The following ADGRL4 variants were observed in gnomAD, a reference collection of about 807,000 sequenced individuals.
ADGRL4 encodes the protein EGF, latrophilin and seven transmembrane domain containing 1.
In ADGRL4, 90 loss-of-function variants were observed where a neutral mutation model predicts 74.8. The observed-to-expected ratio is 1.20, with a 90% CI of 1.02 to 1.43. The LOEUF (loss-of-function observed/expected upper bound fraction) is 1.43, where lower values mean the gene tolerates loss of function less well. ADGRL4 is among the 40% of genes most tolerant of loss of function. The pLI, the probability that ADGRL4 is intolerant of heterozygous loss-of-function variation, is 0.00. For synonymous variants in ADGRL4, 311 were observed against 279.2 expected (o/e 1.11, Z -1.14); for missense variants, 881 against 814.3 (o/e 1.08, Z -1.00).
At position 78,987,968 on chromosome 1, in the gene ADGRL4, T is replaced by C. The variant is rs189670620; in HGVS notation, c.172+17102A>G. Among the ~76,000 whole-genome samples, 19 of 146,462 alleles carry C rather than the reference T, an allele frequency of 1.3e-4. No homozygotes were observed. The East Asian group carries it at 3.4e-3, about 26-fold the overall frequency. Reference sequence around the variant, plus strand: ...TAGTAAAGTAATATTTATTGCATCATTATTTAAATTTTTAAAATAGCCACT... The same window carrying C: ...TAGTAAAGTAATATTTATTGCATCACTATTTAAATTTTTAAAATAGCCACT... On this transcript the variant is annotated intron_variant, in intron 2 of 14. Transcript: ENST00000370742.
Position 78,961,246 on chromosome 1 carries a change from G to A in ADGRL4, c.173-14820C>T, listed in dbSNP as rs778977045. On this transcript the variant is annotated intron_variant, in intron 2 of 14. Transcript: ENST00000370742. ...CAACCTCTGACTCATGGGTTCAAGC[G>A]ATTCTCCTGCCTCAGCCTCCTGAGT... Among the ~76,000 whole-genome samples the A allele has an allele frequency of 5.3e-5, 8 of 151,862 alleles. No individual in the cohort carries two copies. In the East Asian group the frequency reaches 5.8e-4, roughly 11 times the overall value.
chr1:78,965,999 AAAAAAC>A (rs1186180999), intron 2 of ADGRL4, among the ~76,000 whole-genome samples: 4 of 152,084 alleles, frequency 2.6e-5, no homozygotes, highest in Non-Finnish European at 5.9e-5. Flanking sequence ...ACCAAAAAAA[AAAAAAC>A]AAAAACAAAA....
intron 2 of ADGRL4, among the ~76,000 whole-genome samples, chr1:78,981,634 T>C (rs1387722776): frequency 1.3e-5 from 2 of 151,920 alleles, no homozygotes; most frequent in Non-Finnish European, 2.9e-5. Context: ...AACCATATTG[T>C]ATGATTTTAA....
chr1:78,943,440 C>T (rs1325128603), intron 3 of ADGRL4, among the ~76,000 whole-genome samples: 2 of 152,140 alleles, frequency 1.3e-5, no homozygotes, highest in Non-Finnish European at 2.9e-5. Flanking sequence ...CTAAATCTCA[C>T]CCAGCGCTTT....
chr1:78,973,276 A>G (rs903713641), intron 2 of ADGRL4, among the ~76,000 whole-genome samples: 3 of 152,070 alleles, frequency 2.0e-5, no homozygotes, highest in Admixed American at 6.6e-5. Flanking sequence ...CCCTTCATAT[A>G]TATGTATAAG....
At chr1:78,973,417 T>C (rs1370351379) in intron 2 of ADGRL4, among the ~76,000 whole-genome samples, 2 of 151,778 alleles carry the variant, frequency 1.3e-5, no homozygotes, top group Non-Finnish European at 2.9e-5. Flanking sequence ...TAAGCATATG[T>C]AGTTTTAAAA....
chr1:78,987,115 C>T (rs1373454713), intron 2 of ADGRL4, among the ~76,000 whole-genome samples: 5 of 151,636 alleles, frequency 3.3e-5, no homozygotes, highest in Non-Finnish European at 7.4e-5. Flanking sequence ...TTAAAAGTAC[C>T]TGCAAATCTC....
intron 2 of ADGRL4, among the ~76,000 whole-genome samples, chr1:78,949,630 T>A (rs1649681714): frequency 6.6e-6 from 1 of 152,134 alleles, no homozygotes; most frequent in Non-Finnish European, 1.5e-5. Flanking sequence ...AGTGTCCAAC[T>A]TCATAATAAT....
At chr1:78,926,811 A>G in intron 8 of ADGRL4, 75 bp downstream of exon 8, 1 of 1,050,734 alleles carries the variant, frequency 9.5e-7, no homozygotes, top group Non-Finnish European at 1.4e-6. Context: ...CAGATAATTT[A>G]AGTGACACAA....
intron 2 of ADGRL4, among the ~76,000 whole-genome samples, chr1:78,968,142 T>G (rs978992829): frequency 2.6e-5 from 4 of 152,176 alleles, no homozygotes; most frequent in African/African-American, 7.2e-5. Context: ...TTCTAATGTC[T>G]GATTACATGC....
chr1:78,902,154 G>A (rs1648533924), intron 12 of ADGRL4, among the ~76,000 whole-genome samples: 1 of 152,116 alleles, frequency 6.6e-6, no homozygotes, highest in Admixed American at 6.6e-5. Flanking sequence ...ATTGACTGCA[G>A]AGGAACCCAA....
At position 78,959,228 on chromosome 1, in the gene ADGRL4, T is replaced by G. The variant is rs115224773; in HGVS notation, c.173-12802A>C. ...ATCTCTGAGGTATGCCTTTATGTAA[T>G]TCATTGAAGAAAACAGAAATAGCTC... On this transcript the variant is annotated intron_variant, in intron 2 of 14. Transcript: ENST00000370742. 1.5e-3 allele frequency among the ~76,000 whole-genome samples: 233 copies of G among 152,298 alleles called. 2 individuals carry two copies. Among genetic ancestry groups the G allele is most frequent in the Non-Finnish European group, 2.8e-3 (191 of 68,020 alleles).
intron 12 of ADGRL4, among the ~76,000 whole-genome samples, chr1:78,907,839 G>A (rs967358072): frequency 1.3e-5 from 2 of 151,824 alleles, no homozygotes; most frequent in Non-Finnish European, 1.5e-5. Flanking sequence ...CAGCAGACAG[G>A]GTCTAGAACA....
intron 2 of ADGRL4, among the ~76,000 whole-genome samples, chr1:78,987,548 C>A (rs1650522586): frequency 6.6e-6 from 1 of 151,704 alleles, no homozygotes; most frequent in South Asian, 2.1e-4. Context: ...ATCCACTGTA[C>A]TGAGAAAAAT....
At chr1:78,983,185 C>T (rs1240547818) in intron 2 of ADGRL4, among the ~76,000 whole-genome samples, 1 of 151,678 alleles carries the variant, frequency 6.6e-6, no homozygotes, top group Non-Finnish European at 1.5e-5. Context: ...ACAGGATTCC[C>T]ACACATAAGG....
chr1:78,997,393 A>T (rs913987706), intron 2 of ADGRL4, among the ~76,000 whole-genome samples: 1 of 152,210 alleles, frequency 6.6e-6, no homozygotes, highest in African/African-American at 2.4e-5. Context: ...GTTTTTAGGC[A>T]CTGGCTTGCA....
chr1:78,967,772 T>C (rs903583501), intron 2 of ADGRL4, among the ~76,000 whole-genome samples: 2 of 152,152 alleles, frequency 1.3e-5, no homozygotes, highest in South Asian at 4.1e-4. Context: ...TTGGCAAAAT[T>C]TGTAAAAGGT....
At chr1:79,000,121 A>G (rs1039337082) in intron 2 of ADGRL4, among the ~76,000 whole-genome samples, 1 of 152,066 alleles carries the variant, frequency 6.6e-6, no homozygotes, top group African/African-American at 2.4e-5. Context: ...TAGTTACTGG[A>G]TATTACTTTT....
In ADGRL4 at chr1:78,944,814, G is replaced by A. The variant is rs868029844; in HGVS notation, c.325+1460C>T. Among the ~76,000 whole-genome samples, 127 of 152,144 alleles carry A rather than the reference G, an allele frequency of 8.3e-4. 1 individual carries two copies. Among genetic ancestry groups the A allele is most frequent in the African/African-American group, 2.8e-3 (117 of 41,532 alleles). On this transcript the variant is annotated intron_variant, in intron 3 of 14. Transcript: ENST00000370742. ...AAATATTCCTTTTTTACATAACAGA[G>A]TAAATGTTGTGAAGCGTAGGTACAT...
Sources: gnomAD v4.1 joint callset for allele counts (sites outside exome capture counted in the v4.1 genomes callset) on GRCh38, gnomAD v4.1.1 for gene constraint, MANE v1.5 for transcripts, NCBI Gene and HGNC (gene_info 2026-07-23, HGNC 2026-07-21) for gene names.